NCAM2: variants seen among roughly 807,000 people sequenced by gnomAD.
NCAM2 encodes neural cell adhesion molecule 2.
NCAM2 carries 30 observed loss-of-function variants against 98.1 expected under a neutral mutation model. That is an observed-to-expected ratio of 0.31 (90% CI 0.23 to 0.41). The LOEUF is 0.41. NCAM2 is among the 10% of genes least tolerant of loss of function. The pLI, the probability that NCAM2 is intolerant of heterozygous loss-of-function variation, is 1.00. For synonymous variants in NCAM2, 368 were observed against 342.4 expected (o/e 1.07, Z -0.83); for missense variants, 867 against 1,005.8 (o/e 0.86, Z 1.87).
At chr21:21,390,063 T>C (rs1034775772) in intron 9 of NCAM2, among the ~76,000 whole-genome samples, 18 of 152,164 alleles carry the variant, frequency 1.2e-4, no homozygotes, top group African/African-American at 4.3e-4. Flanking sequence ...TTGACCAGGA[T>C]GGTCTCTATC....
chr21:21,413,948 A>G (rs1238404079), intron 10 of NCAM2, among the ~76,000 whole-genome samples: 1 of 152,242 alleles, frequency 6.6e-6, no homozygotes, highest in Non-Finnish European at 1.5e-5. Context: ...GGAATTACCT[A>G]TAGCAGAACA....
intron 12 of NCAM2, among the ~76,000 whole-genome samples, chr21:21,459,050 T>C (rs1982574395): frequency 6.6e-6 from 1 of 152,098 alleles, no homozygotes; most frequent in Non-Finnish European, 1.5e-5. Flanking sequence ...TCAGAATAGC[T>C]ATTTCCCAAA....
At chr21:21,269,641 G>C (rs1016733425) in intron 1 of NCAM2, among the ~76,000 whole-genome samples, 9 of 151,978 alleles carry the variant, frequency 5.9e-5, no homozygotes, top group African/African-American at 2.2e-4. Flanking sequence ...TTTTATGATT[G>C]GCACTTAACA....
chr21:21,505,187 G>A (rs1316247639), intron 15 of NCAM2, among the ~76,000 whole-genome samples: 2 of 151,814 alleles, frequency 1.3e-5, no homozygotes, highest in Admixed American at 6.6e-5. Flanking sequence ...TAGTATTTTA[G>A]CAATTCTTCA....
At chr21:21,428,411 A>G (rs539917013) in intron 11 of NCAM2, among the ~76,000 whole-genome samples, 1 of 152,340 alleles carries the variant, frequency 6.6e-6, no homozygotes, top group South Asian at 2.1e-4. Context: ...ATGAGGCTGA[A>G]AAGATCGAGA....
intron 1 of NCAM2, among the ~76,000 whole-genome samples, chr21:21,096,857 T>A (rs1024688816): frequency 1.3e-5 from 2 of 151,724 alleles, no homozygotes; most frequent in African/African-American, 4.8e-5. Flanking sequence ...CTGGAATGTC[T>A]ATATCTTTAT....
intron 1 of NCAM2, among the ~76,000 whole-genome samples, chr21:21,169,227 A>G (rs1416598039): frequency 2.0e-5 from 3 of 152,198 alleles, no homozygotes; most frequent in Non-Finnish European, 2.9e-5. Context: ...GAGCAACTAG[A>G]TATCCACTTG....
intron 1 of NCAM2, among the ~76,000 whole-genome samples, chr21:21,189,775 T>C (rs1348732059): frequency 1.3e-5 from 2 of 152,170 alleles, no homozygotes; most frequent in African/African-American, 4.8e-5. Flanking sequence ...ATTAATTTCT[T>C]TGGGGAAAAT....
chr21:21,263,513 A>G (rs2072004036), intron 1 of NCAM2, among the ~76,000 whole-genome samples: 2 of 152,090 alleles, frequency 1.3e-5, no homozygotes, highest in Admixed American at 6.6e-5. Context: ...TTAAAAATCT[A>G]AAATTCATAA....
chr21:21,278,577 T>C (rs2072815434), intron 1 of NCAM2, among the ~76,000 whole-genome samples: 2 of 152,134 alleles, frequency 1.3e-5, no homozygotes, highest in South Asian at 4.1e-4. Context: ...AAACGTTAGA[T>C]ATATTTGAAC....
chr21:21,078,919 G>T (rs1316628736), intron 1 of NCAM2, among the ~76,000 whole-genome samples: 1 of 152,134 alleles, frequency 6.6e-6, no homozygotes, highest in Non-Finnish European at 1.5e-5. Context: ...ATCATCCTTA[G>T]CAAACTAACA....
chr21:21,146,732 A>T (rs1225327047), intron 1 of NCAM2, among the ~76,000 whole-genome samples: 1 of 152,142 alleles, frequency 6.6e-6, no homozygotes, highest in Non-Finnish European at 1.5e-5. Context: ...AACATACATT[A>T]TTCATGCTAC....
chr21:21,252,568 A>G (rs749507927), intron 1 of NCAM2, among the ~76,000 whole-genome samples: 43 of 152,086 alleles, frequency 2.8e-4, no homozygotes, highest in Non-Finnish European at 4.9e-4. Context: ...TCAAAATGAA[A>G]CAAGAGTGAC....
chr21:21,314,808 G>C (rs2074168137), intron 5 of NCAM2, among the ~76,000 whole-genome samples: 1 of 151,706 alleles, frequency 6.6e-6, no homozygotes, highest in Non-Finnish European at 1.5e-5. Context: ...ATATTTATTT[G>C]GGGTTTTAAA....
At chr21:21,147,054 C>CTGCCTTTACTCCGGAACTCATACCCTT (rs2067298010) in intron 1 of NCAM2, 1 of 553,974 alleles carries the variant, frequency 1.8e-6, no homozygotes, top group African/African-American at 2.3e-5. Context: ...ACTCATACGG[C>CTGCCTTTACTCCGGAACTCATACCCTT]TGCCTTCTAC....
chr21:21,298,920 T>G (rs1296094734), intron 5 of NCAM2, among the ~76,000 whole-genome samples: 1 of 151,184 alleles, frequency 6.6e-6, no homozygotes, highest in Non-Finnish European at 1.5e-5. Context: ...GTTTCAAGTG[T>G]AACAGTCTTC....
At chr21:21,376,581 TAAAC>T (rs926563111) in intron 9 of NCAM2, among the ~76,000 whole-genome samples, 7 of 151,814 alleles carry the variant, frequency 4.6e-5, no homozygotes, top group Admixed American at 2.0e-4. Flanking sequence ...AATAATGGGA[TAAAC>T]AAACAACTGT....
intron 5 of NCAM2, among the ~76,000 whole-genome samples, chr21:21,296,418 A>C (rs929642345): frequency 1.5e-5 from 2 of 134,370 alleles, no homozygotes; most frequent in Non-Finnish European, 3.3e-5. Context: ...AAACAAGAGC[A>C]TAAGTTGTGA....
chr21:21,065,739 C>A (rs185390701), intron 1 of NCAM2, among the ~76,000 whole-genome samples: 1 of 152,024 alleles, frequency 6.6e-6, no homozygotes, highest in African/African-American at 2.4e-5. Flanking sequence ...AGAAGTGCTT[C>A]GTTATTTTGA....
Sources: allele counts gnomAD v4.1 joint callset (sites outside exome capture counted in the v4.1 genomes callset), GRCh38; gene constraint gnomAD v4.1.1; transcripts MANE v1.5; gene names NCBI Gene and HGNC (gene_info 2026-07-23, HGNC 2026-07-21).